ZNF8: variants seen among roughly 807,000 people sequenced by gnomAD.
ZNF8 encodes zinc finger protein 8.
Under a neutral mutation model 12.2 loss-of-function variants are expected in ZNF8, and 9 were observed. The ratio of observed to expected loss-of-function variants is 0.73; its 90% CI spans 0.44 to 1.28. The LOEUF is 1.28. Ranked by LOEUF, ZNF8 falls within the 50% of genes most tolerant of loss-of-function variation. ZNF8 has a pLI of 0.00. For synonymous variants in ZNF8, 274 were observed against 282.3 expected, an observed-to-expected ratio of 0.97 and a Z score of 0.30; for missense variants, 664 against 729.1, an observed-to-expected ratio of 0.91 and a Z score of 1.03.
At chr19:58,285,991 G>A (rs2051380721) in intron 2 of ZNF8, 119 bp from the exon 3 acceptor site, 6 of 1,410,444 alleles carry the variant, frequency 4.3e-6, no homozygotes, top group Admixed American at 1.9e-5. Flanking sequence ...ACCATGCAGA[G>A]CTTCACCATG....
In ZNF8 at chr19:58,296,441, G is replaced by C. The variant is rs190251592; in HGVS notation, c.*905G>C. 6.6e-6 allele frequency: 1 copy of C among 152,076 alleles called. No individual in the cohort carries two copies. Among genetic ancestry groups the C allele is most frequent in the Non-Finnish European group, 1.5e-5 (1 of 68,046 alleles). 9.4% of individuals were successfully genotyped at this position (152,076 alleles called of 1,614,324 possible). On this transcript the variant is annotated 3_prime_UTR_variant, in exon 4 of 4. Coordinates refer to ENST00000621650, the MANE Select transcript of ZNF8 (RefSeq NM_021089.3). Reference sequence around the variant, plus strand: ...AGATGGAGTCTCGCTCCGTCACCCAGGCTGGAGTGCAATGGCGCAGTCTGC... The same window carrying C: ...AGATGGAGTCTCGCTCCGTCACCCACGCTGGAGTGCAATGGCGCAGTCTGC...
chr19:58,291,128 T>C (rs2051416912), intron 3 of ZNF8, among the ~76,000 whole-genome samples: 1 of 152,186 alleles, frequency 6.6e-6, no homozygotes, highest in Non-Finnish European at 1.5e-5. Flanking sequence ...CTGGGCGATC[T>C]CAAGCCCCTC....
At chr19:58,286,015 A>C in intron 2 of ZNF8, 95 bp from the exon 3 acceptor site, 1 of 1,421,022 alleles carries the variant, frequency 7.0e-7, no homozygotes. Context: ...TGAGGTGCCC[A>C]CGTGTCCTCA....
In ZNF8 at chr19:58,285,721, C is replaced by T; in HGVS notation, c.71C>T (p.Pro24Leu). Reference protein sequence around the residue: ...VGPPAARLQEPVTFRDVAVDF... With the variant: ...VGPPAARLQELVTFRDVAVDF... ...AGAATGTGTGTGATGTTTCAGGAAC[C>T]AGTGACCTTCCGGGATGTGGCTGTG... Residue 24 changes from proline (P) to leucine (L), a missense_variant, in exon 2 of 4, where the codon CCA becomes CTA. Physicochemically the swap from Pro to Leu is moderately conservative, Grantham distance 98 (BLOSUM62 -3). This residue lies in a region of ZNF8 where 306 missense variants were observed against 308.7 expected (regional missense o/e 0.99). Coordinates refer to ENST00000621650, the MANE Select transcript of ZNF8 (RefSeq NM_021089.3). 2 of 1,614,180 alleles carry T rather than the reference C, an allele frequency of 1.2e-6. No individual in the cohort carries two copies. The highest frequency in any genetic ancestry group is 1.7e-6 in the Non-Finnish European group (2 of 1,180,034).
At chr19:58,286,917 A>T (rs553810293) in intron 3 of ZNF8, 1 of 152,178 alleles carries the variant, frequency 6.6e-6, no homozygotes, top group African/African-American at 2.4e-5. Flanking sequence ...ATCTTCCCTT[A>T]TAGGTTCCAG....
chr19:58,282,520 C>T (rs2051356652), intron 1 of ZNF8, among the ~76,000 whole-genome samples: 1 of 152,096 alleles, frequency 6.6e-6, no homozygotes, highest in Non-Finnish European at 1.5e-5. Flanking sequence ...GTTGCTTATC[C>T]TTTTGGTTTC....
chr19:58,293,625 A>G (rs1254724178), intron 3 of ZNF8, among the ~76,000 whole-genome samples: 4 of 152,118 alleles, frequency 2.6e-5, no homozygotes, highest in African/African-American at 9.7e-5. Flanking sequence ...AGACAAGGAG[A>G]TGTGACAGCA....
rs755658362 is a variant in ZNF8, at chr19:58,295,413, C to T, written c.1605C>T (p.Ser535=). The T allele has an allele frequency of 1.2e-6, 2 of 1,614,018 alleles. No homozygotes were observed. The highest frequency in any genetic ancestry group is 1.7e-6 in the Non-Finnish European group (2 of 1,180,028). ...GAGCAAAGGCAGGGCAGCCGGAAAG[C>T]AGAGCCCTGGCTTTGTTTGACATCC... ...AGGAKAGQPE[S]RALALFDIQK... The change falls in exon 4 of 4, where the codon AGC becomes AGT. Residue 535 remains serine (S), a synonymous_variant. Transcript: ENST00000621650.
intron 1 of ZNF8, chr19:58,279,852 C>T (rs531013097): frequency 7.6e-7 from 1 of 1,315,528 alleles, no homozygotes; most frequent in East Asian, 4.6e-5. Flanking sequence ...ATTATCCTTC[C>T]TCAAGCTCTG....
At chr19:58,291,058 C>A (rs565898693) in intron 3 of ZNF8, among the ~76,000 whole-genome samples, 2 of 152,250 alleles carry the variant, frequency 1.3e-5, no homozygotes, top group South Asian at 2.1e-4. Flanking sequence ...GGTGAAGAAT[C>A]CCTGTCCAGG....
At chr19:58,285,934 A>G (rs2051380339) in intron 2 of ZNF8, 91 bp downstream of exon 2, 4 of 1,516,038 alleles carry the variant, frequency 2.6e-6, no homozygotes, top group Non-Finnish European at 3.6e-6. Flanking sequence ...TTGGGTCCTC[A>G]CTCCCTATGG....
At position 58,295,447 on chromosome 19, in the gene ZNF8, A is replaced by G. The variant is rs748475584; in HGVS notation, c.1639A>G (p.Met547Val). ...ALALFDIQKI[M>V]QEKNPVHVIG... ...GGCTTTGTTTGACATCCAAAAAATC[A>G]TGCAAGAGAAAAACCCTGTGCACGT... The change falls in exon 4 of 4, where the codon ATG (methionine) becomes GTG (valine). Residue 547 changes from methionine to valine, a missense_variant. By Grantham distance (21) the Met-to-Val change is conservative. This residue lies in a region of ZNF8 where 225 missense variants were observed against 222.0 expected (regional missense o/e 1.01). Transcript: ENST00000621650. The G allele has an allele frequency of 5.6e-6, 9 of 1,613,704 alleles. No individual in the cohort carries two copies. The highest frequency in any genetic ancestry group is 7.6e-6 in the Non-Finnish European group (9 of 1,180,030).
At position 58,301,650 on chromosome 19, in the gene ZNF8, G is replaced by C. The variant is rs899867795; in HGVS notation, c.*6114G>C. On this transcript the variant is annotated 3_prime_UTR_variant, in exon 4 of 4. Transcript: ENST00000621650. ...GGCCCCCAAAATGGCCAGTCCTGAAGGGGTCACAGTTGATACTTCTCTGAG... is the reference window on the plus strand; with the variant it reads ...GGCCCCCAAAATGGCCAGTCCTGAACGGGTCACAGTTGATACTTCTCTGAG... 2.0e-5 allele frequency: 3 copies of C among 152,504 alleles called. No individual in the cohort carries two copies. Among genetic ancestry groups the C allele is most frequent in the African/African-American group, 4.8e-5 (2 of 41,460 alleles). 9.4% of individuals were successfully genotyped at this position (152,504 alleles called of 1,614,324 possible).
chr19:58,280,361 A>G (rs893552897), intron 1 of ZNF8: 2 of 156,592 alleles, frequency 1.3e-5, no homozygotes, highest in Non-Finnish European at 2.8e-5. Context: ...TCCTTGCAAC[A>G]TGGCATCTGG....
At chr19:58,289,119 C>G (rs2051401926) in intron 3 of ZNF8, among the ~76,000 whole-genome samples, 1 of 152,110 alleles carries the variant, frequency 6.6e-6, no homozygotes, top group Admixed American at 6.5e-5. Flanking sequence ...TATGTTAAGA[C>G]AGAAACATAT....
At chr19:58,291,098 G>T (rs1317169764) in intron 3 of ZNF8, among the ~76,000 whole-genome samples, 2 of 152,150 alleles carry the variant, frequency 1.3e-5, no homozygotes, top group Non-Finnish European at 2.9e-5. Context: ...ACTCACAGGG[G>T]TTTGTGGGCT....
chr19:58,294,289 T>G lies in ZNF8; in HGVS notation c.481T>G (p.Phe161Val). 1.2e-6 allele frequency: 2 copies of G among 1,613,966 alleles called. No individual in the cohort carries two copies. The highest frequency in any genetic ancestry group is 2.7e-5 in the African/African-American group (2 of 74,928). ...GCAGAATAACTTGAAGCAGTTGGAATTTGGCCTCAAGGAAGCACCAGTTCA... is the reference window on the plus strand; with the variant it reads ...GCAGAATAACTTGAAGCAGTTGGAAGTTGGCCTCAAGGAAGCACCAGTTCA... The part of the protein sequence containing the change: ...KEQNNLKQLE[F>V]GLKEAPVQDQ... Residue 161 changes from phenylalanine to valine, a missense_variant, in exon 4 of 4, where the codon TTT (phenylalanine) becomes GTT (valine). By Grantham distance (50) the Phe-to-Val change is conservative. Around this residue, in one of 3 missense-constraint regions of ZNF8, gnomAD observed 306 missense variants for 308.7 expected, o/e 0.99. Transcript: ENST00000621650. The surrounding 1 kb of genome is among the most constrained non-coding windows in gnomAD (Gnocchi z 5.5).
At chr19:58,292,754 T>C (rs2051427659) in intron 3 of ZNF8, among the ~76,000 whole-genome samples, 1 of 152,250 alleles carries the variant, frequency 6.6e-6, no homozygotes, top group Non-Finnish European at 1.5e-5. Flanking sequence ...GTCAGTACTT[T>C]GTTCTTTTTT....
intron 3 of ZNF8, among the ~76,000 whole-genome samples, chr19:58,287,843 CTTTTTT>C (rs1028520416): frequency 2.3e-5 from 3 of 131,236 alleles, no homozygotes; most frequent in South Asian, 2.4e-4. Flanking sequence ...TACTTTTTTT[CTTTTTT>C]TTTCTTTCTT....
Sources: allele counts gnomAD v4.1 joint callset (sites outside exome capture counted in the v4.1 genomes callset), GRCh38; gene constraint gnomAD v4.1.1; regional missense constraint gnomAD v4.1.1; non-coding constraint Gnocchi (gnomAD v3.1); transcripts MANE v1.5; gene names NCBI Gene and HGNC (gene_info 2026-07-23, HGNC 2026-07-21).